Variants in ERBB4 observed in about 807,000 individuals in gnomAD.
ERBB4 encodes erb-b2 receptor tyrosine kinase 4, also known as receptor tyrosine-protein kinase erbB-4.
A neutral mutation model predicts 158.0 loss-of-function variants in ERBB4; 42 were observed. The ratio of observed to expected loss-of-function variants is 0.27; its 90% CI spans 0.21 to 0.34. The LOEUF is 0.34. Ranked by LOEUF, ERBB4 falls within the 10% of genes least tolerant of loss-of-function variation. ERBB4 has a pLI of 1.00. For synonymous variants in ERBB4, 583 were observed against 558.7 expected, an observed-to-expected ratio of 1.04 and a Z score of -0.61; for missense variants, 1,333 against 1,624.1, an observed-to-expected ratio of 0.82 and a Z score of 3.08.
chr2:212,298,990 A>T (rs1302240917), intron 1 of ERBB4, among the ~76,000 whole-genome samples: 1 of 151,762 alleles, frequency 6.6e-6, no homozygotes, highest in Non-Finnish European at 1.5e-5. Flanking sequence ...TAATTATCAT[A>T]ATAATAGCTA....
At chr2:212,360,323 C>T (rs1165328160) in intron 1 of ERBB4, among the ~76,000 whole-genome samples, 6 of 151,622 alleles carry the variant, frequency 4.0e-5, no homozygotes, top group African/African-American at 1.5e-4. Flanking sequence ...AAGTTTTCAG[C>T]ATCAAATACT....
intron 3 of ERBB4, among the ~76,000 whole-genome samples, chr2:211,906,527 T>TCCCACTTATAAGTGGGA (rs1326182129): frequency 2.1e-4 from 31 of 147,800 alleles, no homozygotes; most frequent in East Asian, 1.7e-3. Context: ...GTATAAATAT[T>TCCCACTTATAAGTGGGA]GATATCTATG....
chr2:211,484,090 ATAC>A, intron 20 of ERBB4, among the ~76,000 whole-genome samples: 1 of 152,348 alleles, frequency 6.6e-6, no homozygotes, highest in East Asian at 1.9e-4. Flanking sequence ...AGCAGTAGAA[ATAC>A]CACTTAAAGA....
At chr2:212,242,406 T>C (rs942681673) in intron 1 of ERBB4, among the ~76,000 whole-genome samples, 1 of 152,200 alleles carries the variant, frequency 6.6e-6, no homozygotes, top group Non-Finnish European at 1.5e-5. Flanking sequence ...ACACAGTCCC[T>C]ATGAAAATAA....
intron 2 of ERBB4, among the ~76,000 whole-genome samples, chr2:212,022,804 A>C (rs1240310016): frequency 6.6e-6 from 1 of 152,116 alleles, no homozygotes; most frequent in Non-Finnish European, 1.5e-5. Context: ...AAATGAAATA[A>C]TTCATTTCTT....
intron 3 of ERBB4, among the ~76,000 whole-genome samples, chr2:211,901,810 T>C (rs1164248934): frequency 2.0e-5 from 3 of 152,164 alleles, no homozygotes; most frequent in African/African-American, 7.2e-5. Context: ...GAATAAAGAA[T>C]GCTGCACCCA....
intron 1 of ERBB4, among the ~76,000 whole-genome samples, chr2:212,309,386 ATGCTTG>A (rs1157784711): frequency 6.6e-6 from 1 of 150,896 alleles, no homozygotes; most frequent in African/African-American, 2.4e-5. Context: ...TATAAAATAA[ATGCTTG>A]GTTAGGCACT....
chr2:212,254,042 G>A (rs78651968), intron 1 of ERBB4, among the ~76,000 whole-genome samples: 10,715 of 152,088 alleles, frequency 0.07, 594 homozygotes, highest in African/African-American at 0.16. Context: ...TCAGGAGACC[G>A]CTGTGGTAGA....
Position 211,657,740 on chromosome 2 carries a change from A to C in ERBB4, c.1946+14T>G. 6.2e-7 allele frequency: 1 copy of C among 1,604,000 alleles called. No homozygotes were observed. Among genetic ancestry groups the C allele is most frequent in the Non-Finnish European group, 8.5e-7 (1 of 1,170,744 alleles). ...AGGATTTGAGCGACAAAATGGAAAC[A>C]TGGTAGATGTTACCTAGCATGTTGT... On this transcript the variant is annotated intron_variant, in intron 16 of 27. Transcript: ENST00000342788.
chr2:212,437,509 G>C (rs1342401439), intron 1 of ERBB4, among the ~76,000 whole-genome samples: 1 of 146,422 alleles, frequency 6.8e-6, no homozygotes, highest in Non-Finnish European at 1.5e-5. Context: ...AAAAAAAAAG[G>C]AAGATTGGTC....
At chr2:211,879,332 T>C (rs1298157066) in intron 3 of ERBB4, among the ~76,000 whole-genome samples, 1 of 152,128 alleles carries the variant, frequency 6.6e-6, no homozygotes, top group Middle Eastern at 3.2e-3. Context: ...AATTGATGAA[T>C]ACCATATAGA....
intron 1 of ERBB4, among the ~76,000 whole-genome samples, chr2:212,418,056 C>A (rs1376643219): frequency 1.3e-5 from 2 of 151,920 alleles, no homozygotes; most frequent in East Asian, 3.9e-4. Flanking sequence ...AGGAAGAAGG[C>A]CCTTACAAAT....
At chr2:211,545,468 T>C (rs1350926549) in intron 20 of ERBB4, among the ~76,000 whole-genome samples, 3 of 152,094 alleles carry the variant, frequency 2.0e-5, no homozygotes, top group Non-Finnish European at 4.4e-5. Flanking sequence ...TACTTCATTT[T>C]AGTAGAATAA....
intron 1 of ERBB4, among the ~76,000 whole-genome samples, chr2:212,135,497 G>A (rs1390497532): frequency 6.6e-6 from 1 of 151,938 alleles, no homozygotes; most frequent in Non-Finnish European, 1.5e-5. Flanking sequence ...TATATATTCT[G>A]TCTTTATTGT....
chr2:212,383,212 C>A (rs1293406268), intron 1 of ERBB4, among the ~76,000 whole-genome samples: 2 of 151,342 alleles, frequency 1.3e-5, no homozygotes, highest in African/African-American at 4.8e-5. Flanking sequence ...TAACGTATTT[C>A]TTTTTCCCAG....
At chr2:212,033,448 T>C (rs2076947203) in intron 2 of ERBB4, among the ~76,000 whole-genome samples, 1 of 151,888 alleles carries the variant, frequency 6.6e-6, no homozygotes, top group Non-Finnish European at 1.5e-5. Flanking sequence ...AAATTCCTTA[T>C]ATATTTTGCA....
At chr2:212,455,974 C>T (rs111311143) in intron 1 of ERBB4, among the ~76,000 whole-genome samples, 3,543 of 152,016 alleles carry the variant, frequency 0.023, 56 homozygotes, top group African/African-American at 0.045. Flanking sequence ...ATGGCTTCTT[C>T]CCCCAGCTGT....
chr2:211,624,085 A>G, intron 17 of ERBB4, 41 bp from the exon 18 acceptor site: 2 of 1,613,140 alleles, frequency 1.2e-6, no homozygotes, highest in Non-Finnish European at 8.5e-7. Flanking sequence ...TCAGTCCGAT[A>G]GTCAGTCCTC....
intron 1 of ERBB4, among the ~76,000 whole-genome samples, chr2:212,474,822 C>CCTTTTTTTTTTTTTTTT (rs1689295723): frequency 1.1e-5 from 1 of 94,412 alleles, no homozygotes; most frequent in African/African-American, 6.1e-5. Flanking sequence ...CCCGGCCATT[C>CCTTTTTTTTTTTTTTTT]TTTTTTTTTT....
Sources: gnomAD v4.1 joint callset for allele counts (sites outside exome capture counted in the v4.1 genomes callset) on GRCh38, gnomAD v4.1.1 for gene constraint, MANE v1.5 for transcripts, NCBI Gene and HGNC (gene_info 2026-07-23, HGNC 2026-07-21) for gene names.